Variants in ANK1 observed in about 807,000 individuals in gnomAD.
ANK1 encodes the protein ankyrin-1.
In ANK1, 51 loss-of-function variants were observed where a neutral mutation model predicts 210.4. The ratio of observed to expected loss-of-function variants is 0.24; its 90% CI spans 0.19 to 0.31. ANK1 has a LOEUF of 0.31. ANK1 is among the 10% of genes least tolerant of loss of function. The pLI is 1.00. For missense variants in ANK1, 2,051 were observed against 2,504.4 expected (o/e 0.82, Z 3.86); for synonymous variants, 967 against 1,025.9 (o/e 0.94, Z 1.10).
chr8:41,874,679 C>G (rs1816231853), intron 1 of ANK1, among the ~76,000 whole-genome samples: 1 of 152,200 alleles, frequency 6.6e-6, no homozygotes, highest in African/African-American at 2.4e-5. Flanking sequence ...TAGGAAAGCC[C>G]TAGTCTGCCT....
At position 41,727,946 on chromosome 8, in the gene ANK1, G is replaced by GCT; in HGVS notation, c.287_288dup (p.Leu97SerfsTer44). 1 of 1,614,200 alleles carries GCT rather than the reference G, an allele frequency of 6.2e-7. No individual in the cohort carries two copies. The highest frequency in any genetic ancestry group is 8.5e-7 in the Non-Finnish European group (1 of 1,180,032). On this transcript the variant is annotated frameshift_variant, in exon 4 of 43. Transcript: ENST00000289734. LOFTEE classifies it high-confidence loss of function. ...TTGACGTTGGCTCCATAGTTGACAAGCTCCCGGACCACCTCATCCTGCCCG... is the reference window on the plus strand; with the variant it reads ...TTGACGTTGGCTCCATAGTTGACAAGCTCTCCCGGACCACCTCATCCTGCCCG...
intron 1 of ANK1, among the ~76,000 whole-genome samples, chr8:41,830,196 G>C (rs1244443703): frequency 6.6e-6 from 1 of 151,266 alleles, no homozygotes; most frequent in Non-Finnish European, 1.5e-5. Flanking sequence ...AGCTAGGAGA[G>C]ACCAATAGAT....
At position 41,848,187 on chromosome 8, in the gene ANK1, A is replaced by AAAATAAATAAAT. The variant is rs10632156; in HGVS notation, c.126+48156_126+48167dup. On this transcript the variant is annotated intron_variant, in intron 1 of 42. Coordinates refer to the ANK1 transcript ENST00000265709. The stretch of plus-strand genomic sequence containing the variant: ...GGGAATACAGTGAGACTCAATTTCA[A>AAAATAAATAAAT]AAATAAATAAATAAATAAATAAATA... Among the ~76,000 whole-genome samples, 1,002 of 142,930 alleles carry AAAATAAATAAAT rather than the reference A, an allele frequency of 7.0e-3. 6 individuals are homozygous for AAAATAAATAAAT. The highest frequency in any genetic ancestry group is 0.018 in the Middle Eastern group (5 of 276). 93.8% of individuals were successfully genotyped at this position (142,930 alleles called of 152,430 possible). A position where few individuals can be genotyped will look rare whatever the true frequency, so the allele number is the denominator to read the frequency against.
At chr8:41,859,476 A>G (rs1812859238) in intron 1 of ANK1, among the ~76,000 whole-genome samples, 1 of 152,162 alleles carries the variant, frequency 6.6e-6, no homozygotes, top group Admixed American at 6.5e-5. Context: ...CGTCTTGAGT[A>G]GCTGGGATCA....
In ANK1 at chr8:41,856,030, T is replaced by C. The variant is rs140056306; in HGVS notation, c.126+40325A>G. Among the ~76,000 whole-genome samples, 418 of 152,244 alleles carry C rather than the reference T, an allele frequency of 2.7e-3. 2 individuals carry two copies. Among genetic ancestry groups the C allele is most frequent in the Non-Finnish European group, 4.5e-3 (303 of 68,000 alleles). ...CTGATGTCAACAAGCCGGGACAAAG[T>C]TTCCTCCACCAGAAGTCCATGGATG... On this transcript the variant is annotated intron_variant, in intron 1 of 42. Coordinates refer to the ANK1 transcript ENST00000265709.
At chr8:41,734,442 A>G (rs1222424604) in intron 2 of ANK1, among the ~76,000 whole-genome samples, 1 of 152,266 alleles carries the variant, frequency 6.6e-6, no homozygotes, top group Non-Finnish European at 1.5e-5. Context: ...AACAGTGACC[A>G]GGAAAAGCAA....
At chr8:41,726,035 C>T in intron 5 of ANK1, 89 bp from the exon 6 acceptor site, 2 of 1,455,746 alleles carry the variant, frequency 1.4e-6, no homozygotes, top group Non-Finnish European at 1.9e-6. Context: ...CGGGCTTATG[C>T]TCCCAGCAGC....
rs1384503912 is a variant in ANK1, at chr8:41,708,696, G to A, written c.1998+82C>T. 2.7e-6 allele frequency: 4 copies of A among 1,495,290 alleles called. No homozygotes were observed. The Admixed American group carries it at 5.0e-5, about 19-fold the overall frequency. 92.6% of individuals were successfully genotyped at this position (1,495,290 alleles called of 1,614,324 possible). A position where few individuals can be genotyped will look rare whatever the true frequency, so the allele number is the denominator to read the frequency against. On this transcript the variant is annotated intron_variant, in intron 17 of 42. Transcript: ENST00000289734. Reference sequence around the variant, plus strand: ...CACACACACCCCTAACTCAGAACCTGGGCACACATAGATGCTCAATATGAA... The same window carrying A: ...CACACACACCCCTAACTCAGAACCTAGGCACACATAGATGCTCAATATGAA...
intron 1 of ANK1, among the ~76,000 whole-genome samples, chr8:41,860,302 G>A (rs973428582): frequency 2.6e-5 from 4 of 152,314 alleles, no homozygotes; most frequent in East Asian, 1.9e-4. Context: ...AAGCAGTGAG[G>A]TTTCACCTTG....
chr8:41,786,891 A>G (rs1371807392), intron 1 of ANK1, among the ~76,000 whole-genome samples: 1 of 152,270 alleles, frequency 6.6e-6, no homozygotes, highest in Non-Finnish European at 1.5e-5. Context: ...GGCAGATTCC[A>G]TAAAGAGAAA....
At chr8:41,840,001 A>G (rs1209458903) in intron 1 of ANK1, 1 of 151,898 alleles carries the variant, frequency 6.6e-6, no homozygotes, top group Non-Finnish European at 1.5e-5. Context: ...AAGCTTTGCA[A>G]TTTTTCTATA....
At chr8:41,683,041 C>T (rs541038598) in intron 37 of ANK1, among the ~76,000 whole-genome samples, 2 of 152,168 alleles carry the variant, frequency 1.3e-5, no homozygotes, top group African/African-American at 2.4e-5. Context: ...CACGGACACA[C>T]ACACACATGT....
At chr8:41,803,001 GAAA>G (rs1850196975) in intron 1 of ANK1, among the ~76,000 whole-genome samples, 1 of 72,706 alleles carries the variant, frequency 1.4e-5, no homozygotes, top group Non-Finnish European at 2.5e-5. Flanking sequence ...AAGAGAGAAA[GAAA>G]GAAAGAAAGA....
rs1219510437 is a variant in ANK1, at chr8:41,791,211, T to G, written c.27+6301A>C. Among the ~76,000 whole-genome samples the G allele has an allele frequency of 2.8e-5, 4 of 142,748 alleles. No homozygotes were observed. The East Asian group carries it at 6.1e-4, about 22-fold the overall frequency. The allele number at this position is 142,748 out of a possible 152,430, so 93.6% of individuals were successfully genotyped here. A position where few individuals can be genotyped will look rare whatever the true frequency, so the allele number is the denominator to read the frequency against. ...CTAACTTTGTTTTTTTTTTTTTTTT[T>G]TTTTTTTTTTGAGATGGCATCTCAC... On this transcript the variant is annotated intron_variant, in intron 1 of 42. Transcript: ENST00000289734.
chr8:41,807,677 C>A (rs1851168383), intron 1 of ANK1, among the ~76,000 whole-genome samples: 1 of 152,204 alleles, frequency 6.6e-6, no homozygotes, highest in African/African-American at 2.4e-5. Flanking sequence ...CTGATCCCCT[C>A]TAAGTGCTCT....
intron 37 of ANK1, among the ~76,000 whole-genome samples, chr8:41,681,982 A>T (rs923040355): frequency 2.6e-5 from 4 of 152,222 alleles, no homozygotes; most frequent in Non-Finnish European, 5.9e-5. Context: ...AGCACAGAAC[A>T]TTCGACTGTG....
intron 1 of ANK1, among the ~76,000 whole-genome samples, chr8:41,811,072 T>C (rs1248782816): frequency 6.6e-6 from 1 of 152,250 alleles, no homozygotes; most frequent in East Asian, 1.9e-4. Context: ...AGAGAAGTTA[T>C]AAATCTTGCC....
At chr8:41,792,882 C>A (rs553241487) in intron 1 of ANK1, among the ~76,000 whole-genome samples, 1 of 152,346 alleles carries the variant, frequency 6.6e-6, no homozygotes, top group African/African-American at 2.4e-5. Context: ...ATTTACTGTT[C>A]ATTCATGAAT....
intron 1 of ANK1, among the ~76,000 whole-genome samples, chr8:41,776,882 C>T (rs1239947111): frequency 6.6e-6 from 1 of 152,206 alleles, no homozygotes; most frequent in Non-Finnish European, 1.5e-5. Flanking sequence ...CGTCAGCCCT[C>T]GACTTCCTAG....
Sources: gnomAD v4.1 joint callset for allele counts (sites outside exome capture counted in the v4.1 genomes callset) on GRCh38, gnomAD v4.1.1 for gene constraint, MANE v1.5 for transcripts, NCBI Gene and HGNC (gene_info 2026-07-23, HGNC 2026-07-21) for gene names.